The following CSMD1 variants were observed in gnomAD, a reference collection of about 807,000 sequenced individuals.
The protein encoded by CSMD1 is CUB and Sushi multiple domains 1.
Under a neutral mutation model 417.5 loss-of-function variants are expected in CSMD1, and 213 were observed. That is an observed-to-expected ratio of 0.51 (90% CI 0.46 to 0.57). The LOEUF (loss-of-function observed/expected upper bound fraction) is 0.57, where lower values mean the gene tolerates loss of function less well. Among genes scored for constraint, CSMD1 ranks in the 20% least tolerant of loss-of-function variants. The pLI is 0.00. For synonymous variants in CSMD1, 2,862 were observed against 1,736.8 expected, an observed-to-expected ratio of 1.65 and a Z score of -16.11; for missense variants, 6,923 against 4,529.7, an observed-to-expected ratio of 1.53 and a Z score of -15.17.
Position 3,389,472 on chromosome 8 carries a change from C to T in CSMD1, c.2594-1790G>A, listed in dbSNP as rs370954335. Among the ~76,000 whole-genome samples, 3 of 152,124 alleles carry T rather than the reference C, an allele frequency of 2.0e-5. No individual in the cohort carries two copies. In the East Asian group the frequency reaches 5.8e-4, roughly 29 times the overall value. On this transcript the variant is annotated intron_variant, in intron 17 of 69. Coordinates refer to ENST00000635120, the MANE Select transcript of CSMD1 (RefSeq NM_033225.6). ...AATTCCCTCAAAAGAAGAAGCTCTG[C>T]TGAAGAAATGCACTGATCTCTAGGT... is the stretch of plus-strand genomic sequence containing the variant.
chr8:4,366,581 C>T (rs536317811), intron 3 of CSMD1, among the ~76,000 whole-genome samples: 6 of 152,106 alleles, frequency 3.9e-5, no homozygotes, highest in Non-Finnish European at 7.3e-5. Flanking sequence ...TGCAAATTCA[C>T]CAGCATCTGT....
At chr8:4,184,576 C>T (rs967707679) in intron 3 of CSMD1, among the ~76,000 whole-genome samples, 1 of 152,014 alleles carries the variant, frequency 6.6e-6, no homozygotes, top group South Asian at 2.1e-4. Context: ...ATGGATGGAG[C>T]TGTAGACCAT....
intron 2 of CSMD1, among the ~76,000 whole-genome samples, chr8:4,426,544 T>C (rs907900316): frequency 2.7e-5 from 4 of 147,450 alleles, no homozygotes; most frequent in South Asian, 4.2e-4. Context: ...CTGTATAATA[T>C]ATAGGATATT....
chr8:4,022,425 C>T (rs921888858), intron 4 of CSMD1, among the ~76,000 whole-genome samples: 5 of 151,992 alleles, frequency 3.3e-5, no homozygotes, highest in African/African-American at 9.7e-5. Context: ...TGTACTTAGC[C>T]AATACATCCA....
intron 3 of CSMD1, among the ~76,000 whole-genome samples, chr8:4,042,815 T>TAAACAAAAAAAAA (rs1797959379): frequency 2.4e-5 from 1 of 41,312 alleles, no homozygotes; most frequent in African/African-American, 9.7e-5. Flanking sequence ...TACAACATAT[T>TAAACAAAAAAAAA]AAAAAAAAAA....
chr8:4,584,884 G>A (rs78039485), intron 2 of CSMD1, among the ~76,000 whole-genome samples: 6,271 of 152,128 alleles, frequency 0.041, 423 homozygotes, highest in African/African-American at 0.14. Context: ...ACTGTGGATT[G>A]CATTGGATTG....
intron 1 of CSMD1, among the ~76,000 whole-genome samples, chr8:4,829,737 CAA>C (rs11290763): frequency 0.016 from 1,763 of 109,982 alleles, 17 homozygotes; most frequent in African/African-American, 0.019. Context: ...GACCCTGTCT[CAA>C]AAAAAAAAAA....
intron 5 of CSMD1, among the ~76,000 whole-genome samples, chr8:3,984,107 A>ATTGCAG (rs1563283937): frequency 0.25 from 30,067 of 121,452 alleles, 5,075 homozygotes; most frequent in East Asian, 0.38. Flanking sequence ...GTCAATAGCA[A>ATTGCAG]CTCTAGAGCA....
chr8:3,633,814 C>T (rs1796901588), intron 7 of CSMD1, among the ~76,000 whole-genome samples: 1 of 152,132 alleles, frequency 6.6e-6, no homozygotes, highest in Non-Finnish European at 1.5e-5. Flanking sequence ...TGATGCATAG[C>T]TTGTAACCAG....
intron 2 of CSMD1, among the ~76,000 whole-genome samples, chr8:4,483,677 G>T (rs1204148857): frequency 6.6e-6 from 1 of 152,088 alleles, no homozygotes; most frequent in Non-Finnish European, 1.5e-5. Flanking sequence ...ATCCATTTTT[G>T]TAAGAAAAGC....
chr8:4,386,019 T>TTA (rs375661707), intron 3 of CSMD1, among the ~76,000 whole-genome samples: 2 of 152,280 alleles, frequency 1.3e-5, no homozygotes, highest in African/African-American at 4.8e-5. Context: ...TCCCTTTTTT[T>TTA]ATCACTACGA....
At chr8:4,600,266 A>C (rs1800512988) in intron 2 of CSMD1, among the ~76,000 whole-genome samples, 1 of 152,034 alleles carries the variant, frequency 6.6e-6, no homozygotes, top group African/African-American at 2.4e-5. Flanking sequence ...CTGACACTGG[A>C]TTTGACTTCC....
intron 5 of CSMD1, among the ~76,000 whole-genome samples, chr8:3,811,408 A>G (rs1458069895): frequency 2.0e-5 from 3 of 152,204 alleles, no homozygotes; most frequent in Non-Finnish European, 2.9e-5. Flanking sequence ...CCATGTAGTA[A>G]GGCATTTGCT....
At chr8:4,201,893 G>GGT (rs1008150176) in intron 3 of CSMD1, among the ~76,000 whole-genome samples, 1 of 148,188 alleles carries the variant, frequency 6.7e-6, no homozygotes, top group African/African-American at 2.5e-5. Flanking sequence ...ATTTTGGGGG[G>GGT]GGGGGGCGCT....
intron 7 of CSMD1, among the ~76,000 whole-genome samples, chr8:3,657,055 A>T (rs1798146802): frequency 8.0e-6 from 1 of 125,074 alleles, no homozygotes; most frequent in Non-Finnish European, 1.9e-5. Context: ...CATTTTTGGG[A>T]TAAACTTTTC....
intron 37 of CSMD1, among the ~76,000 whole-genome samples, chr8:3,163,802 T>C (rs914807022): frequency 6.6e-6 from 1 of 152,114 alleles, no homozygotes; most frequent in African/African-American, 2.4e-5. Flanking sequence ...GCTGTCACTG[T>C]GCCAGACGCA....
chr8:4,321,435 G>A (rs774568928), intron 3 of CSMD1, among the ~76,000 whole-genome samples: 1 of 152,088 alleles, frequency 6.6e-6, no homozygotes, highest in Non-Finnish European at 1.5e-5. Flanking sequence ...ATTGACTTGT[G>A]ACCTTGGGAA....
intron 52 of CSMD1, among the ~76,000 whole-genome samples, chr8:3,000,810 T>A (rs563585960): frequency 1.2e-4 from 18 of 152,168 alleles, no homozygotes; most frequent in African/African-American, 4.1e-4. Context: ...AGGTGCACAG[T>A]GAAAGAACAG....
chr8:4,176,835 G>C (rs953674052), intron 3 of CSMD1, among the ~76,000 whole-genome samples: 1 of 148,012 alleles, frequency 6.8e-6, no homozygotes, highest in Non-Finnish European at 1.5e-5. Flanking sequence ...GACAAAGAAG[G>C]CCATTACATA....
Sources: allele counts gnomAD v4.1 joint callset (sites outside exome capture counted in the v4.1 genomes callset), GRCh38; gene constraint gnomAD v4.1.1; transcripts MANE v1.5; gene names NCBI Gene and HGNC (gene_info 2026-07-23, HGNC 2026-07-21).